The following PRKN variants were observed in gnomAD, a reference collection of about 807,000 sequenced individuals.
PRKN encodes the protein E3 ubiquitin-protein ligase parkin.
Under a neutral mutation model 59.5 loss-of-function variants are expected in PRKN, and 56 were observed. That is an observed-to-expected ratio of 0.94 (90% CI 0.76 to 1.18). The LOEUF is 1.18. PRKN is among the 50% of genes most tolerant of loss of function. The probability of loss-of-function intolerance (pLI) is 0.00; values close to 1 mark genes in which losing one functional copy is unlikely to be tolerated. For missense variants in PRKN, 657 were observed against 596.4 expected (o/e 1.10, Z -1.06); for synonymous variants, 250 against 222.1 (o/e 1.13, Z -1.12).
At chr6:161,536,636 A>T (rs1267391593) in intron 9 of PRKN, among the ~76,000 whole-genome samples, 1 of 152,186 alleles carries the variant, frequency 6.6e-6, no homozygotes, top group Non-Finnish European at 1.5e-5. Context: ...CATAGCCTAT[A>T]GAGTCGGTTT....
intron 1 of PRKN, among the ~76,000 whole-genome samples, chr6:162,493,902 C>T (rs1183451990): frequency 6.6e-6 from 1 of 152,196 alleles, no homozygotes; most frequent in African/African-American, 2.4e-5. Flanking sequence ...TTTGACTGGA[C>T]TTCCCCATTT....
intron 9 of PRKN, among the ~76,000 whole-genome samples, chr6:161,523,571 C>A (rs1422796979): frequency 6.6e-6 from 1 of 152,154 alleles, no homozygotes; most frequent in Non-Finnish European, 1.5e-5. Context: ...TTGGTCATTA[C>A]CATGAACACT....
intron 4 of PRKN, among the ~76,000 whole-genome samples, chr6:162,079,937 C>A (rs1583002560): frequency 6.6e-6 from 1 of 152,212 alleles, no homozygotes; most frequent in East Asian, 1.9e-4. Context: ...ATATTCCTCA[C>A]CTGCTCTGTG....
chr6:161,923,441 C>T (rs1039372149), intron 6 of PRKN, among the ~76,000 whole-genome samples: 3 of 152,128 alleles, frequency 2.0e-5, no homozygotes, highest in Non-Finnish European at 4.4e-5. Flanking sequence ...TCTGATCACA[C>T]CCTGCCTCAA....
intron 2 of PRKN, among the ~76,000 whole-genome samples, chr6:162,382,134 C>T (rs1241555654): frequency 6.6e-6 from 1 of 152,162 alleles, no homozygotes; most frequent in African/African-American, 2.4e-5. Context: ...TTCTCCCCCA[C>T]TCAGAGTCAT....
intron 8 of PRKN, among the ~76,000 whole-genome samples, chr6:161,556,149 TC>T (rs1238328044): frequency 6.6e-6 from 1 of 152,198 alleles, no homozygotes; most frequent in African/African-American, 2.4e-5. Context: ...AAAAATTATG[TC>T]CCCCTTTCCA....
At chr6:161,798,875 C>T (rs1790962553) in intron 6 of PRKN, among the ~76,000 whole-genome samples, 1 of 152,168 alleles carries the variant, frequency 6.6e-6, no homozygotes, top group Admixed American at 6.5e-5. Context: ...CAGCCTGGGC[C>T]TCCCTGGGTC....
rs569318868 is a variant in PRKN at position 161,453,254 on chromosome 6, G to A, written c.1084-66377C>T. On this transcript the variant is annotated intron_variant, in intron 9 of 11. Transcript: ENST00000366898. ...AGTCAGACTGCCTGGGCTTAACGTC[G>A]TGGCTCTGTCACTCATTTCGTACTC... 2.0e-5 allele frequency among the ~76,000 whole-genome samples: 3 copies of A among 152,262 alleles called. No individual in the cohort carries two copies. The South Asian group carries it at 6.2e-4, about 32-fold the overall frequency.
chr6:162,155,981 T>G, intron 4 of PRKN, among the ~76,000 whole-genome samples: 1 of 152,278 alleles, frequency 6.6e-6, no homozygotes, highest in East Asian at 1.9e-4. Flanking sequence ...ACCATTTGAT[T>G]TCTTCCAAAC....
intron 3 of PRKN, among the ~76,000 whole-genome samples, chr6:162,216,399 G>A (rs555135213): frequency 1.2e-3 from 178 of 151,166 alleles, no homozygotes; most frequent in African/African-American, 4.2e-3. Context: ...GCGCGGTGGC[G>A]GGCGCCTGTA....
intron 7 of PRKN, among the ~76,000 whole-genome samples, chr6:161,754,854 G>A (rs1025486270): frequency 6.6e-6 from 1 of 152,178 alleles, no homozygotes; most frequent in Non-Finnish European, 1.5e-5. Context: ...AGCCTCTTTA[G>A]TGTGTTACAG....
Position 161,349,636 on chromosome 6 carries a change from G to C in PRKN, c.*463C>G. 1 of 267,234 alleles carries C rather than the reference G, an allele frequency of 3.7e-6. No homozygotes were observed. The highest frequency in any genetic ancestry group is 1.1e-4 in the South Asian group (1 of 9,474). 16.6% of individuals were successfully genotyped at this position (267,234 alleles called of 1,614,324 possible). ...AGTTCATTTTACAGAGAAACACCTT[G>C]TCAATGGCATCTTCATGGTGTTTAC... is the stretch of plus-strand genomic sequence containing the variant. On this transcript the variant is annotated 3_prime_UTR_variant, in exon 12 of 12. Transcript: ENST00000366898. This position sits in a 1 kb window ranked among gnomAD's most constrained non-coding sequence, Gnocchi z 5.5.
intron 2 of PRKN, among the ~76,000 whole-genome samples, chr6:162,286,987 A>G (rs932387000): frequency 1.3e-5 from 2 of 152,194 alleles, no homozygotes; most frequent in African/African-American, 4.8e-5. Context: ...TAATTAACAC[A>G]TCTAAATTTT....
chr6:162,310,348 T>C lies in PRKN; in HGVS notation c.172-47583A>G, dbSNP rs556076019. On this transcript the variant is annotated intron_variant, in intron 2 of 11. Coordinates refer to ENST00000366898, the MANE Select transcript of PRKN (RefSeq NM_004562.3). Reference sequence around the variant, plus strand: ...CCTCTACCAGGCCAGTTCCCCACCATAGCCAGAGGGCCGAAGTCCTAGCAG... The same window carrying C: ...CCTCTACCAGGCCAGTTCCCCACCACAGCCAGAGGGCCGAAGTCCTAGCAG... Among the ~76,000 whole-genome samples, 9 of 152,178 alleles carry C rather than the reference T, an allele frequency of 5.9e-5. No individual in the cohort carries two copies. In the South Asian group the frequency reaches 1.7e-3, roughly 28 times the overall value.
chr6:161,828,031 T>C (rs1047538569), intron 6 of PRKN, among the ~76,000 whole-genome samples: 2 of 152,320 alleles, frequency 1.3e-5, no homozygotes, highest in African/African-American at 2.4e-5. Flanking sequence ...AATTATTCTG[T>C]GTGATGAACA....
intron 1 of PRKN, among the ~76,000 whole-genome samples, chr6:162,475,611 ATG>A (rs1173323456): frequency 6.6e-6 from 1 of 152,126 alleles, no homozygotes; most frequent in Admixed American, 6.6e-5. Flanking sequence ...ATGAGTGTGC[ATG>A]TGAGTGTACG....
rs1390249819 is a variant in PRKN at position 161,810,319 on chromosome 6, G to T, written c.735-24411C>A. 2.0e-5 allele frequency among the ~76,000 whole-genome samples: 3 copies of T among 152,288 alleles called. No individual in the cohort carries two copies. The East Asian group carries it at 5.8e-4, about 29-fold the overall frequency. On this transcript the variant is annotated intron_variant, in intron 6 of 11. Transcript: ENST00000366898. Reference sequence around the variant, plus strand: ...CCTTGATCTTGGGCTTCTGGTCTGTGAGGAAATACATTTCTGTTATTTAAG... The same window carrying T: ...CCTTGATCTTGGGCTTCTGGTCTGTTAGGAAATACATTTCTGTTATTTAAG...
chr6:162,240,406 C>G (rs572046741), intron 3 of PRKN, among the ~76,000 whole-genome samples: 1 of 152,010 alleles, frequency 6.6e-6, no homozygotes, highest in African/African-American at 2.4e-5. Context: ...AATGTTTTTA[C>G]TTTTAAGAGG....
At chr6:162,002,876 CAT>C (rs199594954) in intron 5 of PRKN, among the ~76,000 whole-genome samples, 3,365 of 152,124 alleles carry the variant, frequency 0.022, 52 homozygotes, top group Non-Finnish European at 0.036. Context: ...TTATTTGACT[CAT>C]GTGTTACTGA....
Sources: gnomAD v4.1 joint callset for allele counts (sites outside exome capture counted in the v4.1 genomes callset) on GRCh38, gnomAD v4.1.1 for gene constraint, Gnocchi (gnomAD v3.1) non-coding constraint, MANE v1.5 for transcripts, NCBI Gene and HGNC (gene_info 2026-07-23, HGNC 2026-07-21) for gene names.